Variants in SMIM28 observed in about 807,000 individuals in gnomAD.
The protein encoded by SMIM28 is small integral membrane protein 28.
chr6:138,382,440 A>G (rs1774324754), intron 1 of SMIM28, 60 bp from the exon 2 acceptor site: 4 of 397,040 alleles, frequency 1.0e-5, no homozygotes, highest in East Asian at 3.6e-5. Context: ...GAAAAAAAAA[A>G]AAAGAAATGC....
At chr6:138,378,934 G>A (rs1198238570) in intron 1 of SMIM28, among the ~76,000 whole-genome samples, 2 of 152,100 alleles carry the variant, frequency 1.3e-5, no homozygotes, top group African/African-American at 2.4e-5. Context: ...TGTGGATATT[G>A]AGAAATCCTT....
chr6:138,378,556 G>C (rs778671847), intron 1 of SMIM28, among the ~76,000 whole-genome samples: 1 of 152,168 alleles, frequency 6.6e-6, no homozygotes, highest in Non-Finnish European at 1.5e-5. Context: ...GCCTCTCTTT[G>C]GTCCTGGCTG....
intron 1 of SMIM28, among the ~76,000 whole-genome samples, chr6:138,381,146 T>C (rs950355198): frequency 6.6e-5 from 10 of 152,060 alleles, no homozygotes; most frequent in Non-Finnish European, 1.3e-4. Flanking sequence ...CCTCCAGTGA[T>C]CCTCCCACCT....
rs983403215 is a variant in SMIM28, at chr6:138,382,916, C to T, written c.*69C>T. On this transcript the variant is annotated 3_prime_UTR_variant, in exon 2 of 2. Coordinates refer to ENST00000573100, the MANE Select transcript of SMIM28 (RefSeq NM_001368163.3). ...GGGAATCATACAAAACACAGCTCTC[C>T]ACCTTTAATACAGCACCCATGAGAA... The T allele has an allele frequency of 1.0e-5, 4 of 398,052 alleles. No individual in the cohort carries two copies. Among genetic ancestry groups the T allele is most frequent in the African/African-American group, 8.2e-5 (4 of 48,596 alleles). 24.7% of individuals were successfully genotyped at this position (398,052 alleles called of 1,614,324 possible). A position where few individuals can be genotyped will look rare whatever the true frequency, so the allele number is the denominator to read the frequency against.
intron 1 of SMIM28, among the ~76,000 whole-genome samples, chr6:138,381,781 C>G (rs1185356188): frequency 6.6e-6 from 1 of 152,102 alleles, no homozygotes; most frequent in African/African-American, 2.4e-5. Flanking sequence ...CCCACATGAT[C>G]TGTTAGTGGC....
intron 1 of SMIM28, among the ~76,000 whole-genome samples, chr6:138,379,890 T>G (rs1466685677): frequency 6.6e-6 from 1 of 152,132 alleles, no homozygotes; most frequent in East Asian, 1.9e-4. Flanking sequence ...CCGAAGGAAT[T>G]TATAGTTTAG....
chr6:138,378,244 A>G (rs1774276634), intron 1 of SMIM28, 61 bp downstream of exon 1: 1 of 398,094 alleles, frequency 2.5e-6, no homozygotes, highest in Non-Finnish European at 4.4e-6. Flanking sequence ...TTTAAAATCC[A>G]TAATATCTAT....
intron 1 of SMIM28, among the ~76,000 whole-genome samples, 162 bp from the exon 2 acceptor site, chr6:138,382,338 A>G (rs965639282): frequency 2.8e-5 from 4 of 143,152 alleles, no homozygotes; most frequent in Non-Finnish European, 6.0e-5. Context: ...CAGAGGTTGC[A>G]GTGAGCCAAG....
At position 138,382,171 on chromosome 6, in the gene SMIM28, T is replaced by C. The variant is rs139949700; in HGVS notation, c.112-329T>C. Among the ~76,000 whole-genome samples the C allele has an allele frequency of 3.0e-3, 444 of 150,346 alleles. 4 individuals are homozygous for C. The highest frequency in any genetic ancestry group is 0.01 in the African/African-American group (429 of 40,906). On this transcript the variant is annotated intron_variant, in intron 1 of 1. Transcript: ENST00000573100. ...CAGCACTTTGGGAGGCCAAGGGAGGTGAATCACTTGAGGTCAGGAGTTTGA... is the reference window on the plus strand; with the variant it reads ...CAGCACTTTGGGAGGCCAAGGGAGGCGAATCACTTGAGGTCAGGAGTTTGA...
At chr6:138,379,974 G>A (rs1774294624) in intron 1 of SMIM28, among the ~76,000 whole-genome samples, 2 of 152,094 alleles carry the variant, frequency 1.3e-5, no homozygotes, top group East Asian at 1.9e-4. Context: ...TATAAATTTA[G>A]TTATGCCAGA....
chr6:138,378,360 A>C (rs1583090294), intron 1 of SMIM28, among the ~76,000 whole-genome samples, 177 bp downstream of exon 1: 1 of 152,178 alleles, frequency 6.6e-6, no homozygotes, highest in African/African-American at 2.4e-5. Flanking sequence ...TGAAAGTTGC[A>C]TTTTTTGGAC....
At chr6:138,381,606 C>T (rs2114743220) in intron 1 of SMIM28, among the ~76,000 whole-genome samples, 1 of 152,136 alleles carries the variant, frequency 6.6e-6, no homozygotes, top group Middle Eastern at 3.4e-3. Context: ...CATATTTATC[C>T]TACAAGTTTT....
chr6:138,378,222 A>G (rs939283491), intron 1 of SMIM28, 39 bp downstream of exon 1: 3 of 398,434 alleles, frequency 7.5e-6, no homozygotes, highest in African/African-American at 2.1e-5. Flanking sequence ...TCCCCAAAGC[A>G]TCTTCATCAG....
At position 138,383,347 on chromosome 6, in the gene SMIM28, T is replaced by C. The variant is rs1562233242; in HGVS notation, c.*500T>C. ...GAATGCTCCAAGATATAGAGAGTTC[T>C]AGCAGGAGTAAAAGACATCTCTAGA... On this transcript the variant is annotated 3_prime_UTR_variant, in exon 2 of 2. Coordinates refer to ENST00000573100, the MANE Select transcript of SMIM28 (RefSeq NM_001368163.3). Among the ~76,000 whole-genome samples, 2 of 152,230 alleles carry C rather than the reference T, an allele frequency of 1.3e-5. No individual in the cohort carries two copies. Among genetic ancestry groups the C allele is most frequent in the African/African-American group, 4.8e-5 (2 of 41,458 alleles).
At chr6:138,382,417 A>T in intron 1 of SMIM28, 83 bp from the exon 2 acceptor site, 1 of 353,634 alleles carries the variant, frequency 2.8e-6, no homozygotes, top group Non-Finnish European at 4.9e-6. Flanking sequence ...AAAAAAAAAA[A>T]GAAAGAAAGA....
intron 1 of SMIM28, among the ~76,000 whole-genome samples, chr6:138,381,001 C>G (rs759911901): frequency 4.0e-5 from 6 of 151,540 alleles, no homozygotes; most frequent in Non-Finnish European, 8.8e-5. Context: ...CTCCTGGGTT[C>G]AAATGATTCT....
chr6:138,381,325 A>C (rs1284146384), intron 1 of SMIM28, among the ~76,000 whole-genome samples: 1 of 152,198 alleles, frequency 6.6e-6, no homozygotes, highest in African/African-American at 2.4e-5. Flanking sequence ...TACACTTGTT[A>C]CTATATGCTT....
At position 138,379,951 on chromosome 6, in the gene SMIM28, G is replaced by A. The variant is rs1267068752; in HGVS notation, c.111+1768G>A. Among the ~76,000 whole-genome samples, 3 of 152,140 alleles carry A rather than the reference G, an allele frequency of 2.0e-5. No individual in the cohort carries two copies. The East Asian group carries it at 5.8e-4, about 29-fold the overall frequency. On this transcript the variant is annotated intron_variant, in intron 1 of 1. Coordinates refer to ENST00000573100, the MANE Select transcript of SMIM28 (RefSeq NM_001368163.3). Reference sequence around the variant, plus strand: ...CATAAGAGACTTTTTCTGAAAATATGTATTTATTAAAATATAAATTTAGTT... The same window carrying A: ...CATAAGAGACTTTTTCTGAAAATATATATTTATTAAAATATAAATTTAGTT...
At chr6:138,380,684 G>A (rs9495057) in intron 1 of SMIM28, among the ~76,000 whole-genome samples, 24,050 of 151,712 alleles carry the variant, frequency 0.16, 3,405 homozygotes, top group African/African-American at 0.38. Context: ...GGAGAATGGC[G>A]TGAACCTGGG....
Sources: allele counts gnomAD v4.1 joint callset (sites outside exome capture counted in the v4.1 genomes callset), GRCh38; gene constraint gnomAD v4.1.1; transcripts MANE v1.5; gene names NCBI Gene and HGNC (gene_info 2026-07-23, HGNC 2026-07-21).